NRXN1: variants seen among roughly 807,000 people sequenced by gnomAD.
NRXN1 encodes neurexin 1.
Under a neutral mutation model 150.9 loss-of-function variants are expected in NRXN1, and 39 were observed. That is an observed-to-expected ratio of 0.26 (90% CI 0.20 to 0.34). The LOEUF (loss-of-function observed/expected upper bound fraction) is 0.34. Ranked by LOEUF, NRXN1 falls within the 10% of genes least tolerant of loss-of-function variation. The pLI is 1.00. For missense variants in NRXN1, 1,815 were observed against 1,949.9 expected, an observed-to-expected ratio of 0.93 and a Z score of 1.30; for synonymous variants, 924 against 757.0, an observed-to-expected ratio of 1.22 and a Z score of -3.62.
At chr2:50,655,646 T>G (rs1686330980) in intron 5 of NRXN1, among the ~76,000 whole-genome samples, 1 of 151,274 alleles carries the variant, frequency 6.6e-6, no homozygotes, top group African/African-American at 2.4e-5. Context: ...ATTTTTTGTG[T>G]TGTTGTTTTT....
At position 51,028,242 on chromosome 2, in the gene NRXN1, C is replaced by T. The variant is rs796052766; in HGVS notation, c.32G>A (p.Cys11Tyr). Residue 11 changes from cysteine (C) to tyrosine (Y), a missense_variant, in exon 2 of 23, where the codon TGT (cysteine) becomes TAT (tyrosine). By Grantham distance (194) the Cys-to-Tyr change is radical. Coordinates refer to ENST00000401669, the MANE Select transcript of NRXN1 (RefSeq NM_001330078.2). MGTALLQRGG[C>Y]FLLCLSLLLL... ...CAGCAGCGAGAGGCACAGAAGAAAACAGCCCCCGCGCTGGAGCAGCGCCGT... is the reference window on the plus strand; with the variant it reads ...CAGCAGCGAGAGGCACAGAAGAAAATAGCCCCCGCGCTGGAGCAGCGCCGT... 2 of 1,467,074 alleles carry T rather than the reference C, an allele frequency of 1.4e-6. No homozygotes were observed. The highest frequency in any genetic ancestry group is 1.4e-5 in the African/African-American group (1 of 70,766). 90.9% of individuals were successfully genotyped at this position (1,467,074 alleles called of 1,614,324 possible).
chr2:50,916,740 A>G (rs2104197487), intron 5 of NRXN1: 1 of 151,762 alleles, frequency 6.6e-6, no homozygotes, highest in South Asian at 2.1e-4. Context: ...TGTTTAGATG[A>G]TCAGTTTTTC....
chr2:50,201,388 T>C (rs1462647939), intron 18 of NRXN1, among the ~76,000 whole-genome samples: 1 of 152,122 alleles, frequency 6.6e-6, no homozygotes, highest in African/African-American at 2.4e-5. Flanking sequence ...GACAATAGTA[T>C]GGTTAGGATC....
At chr2:50,617,513 T>C (rs1338790156) in intron 8 of NRXN1, among the ~76,000 whole-genome samples, 1 of 151,518 alleles carries the variant, frequency 6.6e-6, no homozygotes, top group East Asian at 1.9e-4. Context: ...CAAACTCCAG[T>C]GCATCAGAAG....
intron 18 of NRXN1, among the ~76,000 whole-genome samples, chr2:50,155,006 T>C (rs1408646756): frequency 1.3e-5 from 2 of 151,616 alleles, no homozygotes; most frequent in African/African-American, 4.8e-5. Context: ...CAAAATTGTA[T>C]CTATAGTGGA....
intron 21 of NRXN1, among the ~76,000 whole-genome samples, chr2:50,016,712 G>A (rs2152553561): frequency 6.6e-6 from 1 of 152,162 alleles, no homozygotes; most frequent in Non-Finnish European, 1.5e-5. Flanking sequence ...ACCTCCACCT[G>A]GTCCCACTCT....
intron 5 of NRXN1, among the ~76,000 whole-genome samples, chr2:50,708,124 A>T (rs1362482721): frequency 1.3e-5 from 2 of 152,190 alleles, no homozygotes; most frequent in African/African-American, 2.4e-5. Context: ...AAGCTGGCCA[A>T]CACTCAAGAT....
chr2:49,945,112 C>A (rs1284981337), intron 21 of NRXN1: 1 of 152,082 alleles, frequency 6.6e-6, no homozygotes. Flanking sequence ...TAAACACAAA[C>A]CTTTAAATAG....
chr2:50,921,819 C>T (rs2104279852), intron 5 of NRXN1, 50 bp downstream of exon 5: 1 of 934,784 alleles, frequency 1.1e-6, no homozygotes. Context: ...AACTCAGACA[C>T]ACTGTAATTC....
At chr2:50,676,489 T>G (rs1689561148) in intron 5 of NRXN1, among the ~76,000 whole-genome samples, 1 of 152,142 alleles carries the variant, frequency 6.6e-6, no homozygotes, top group Non-Finnish European at 1.5e-5. Context: ...CTATGTGAAA[T>G]TGGGATGACT....
intron 18 of NRXN1, among the ~76,000 whole-genome samples, chr2:50,162,938 A>G (rs1023903693): frequency 6.6e-6 from 1 of 151,874 alleles, no homozygotes; most frequent in African/African-American, 2.4e-5. Context: ...ACAACTTACT[A>G]TAACTGCTTT....
chr2:50,097,632 A>C (rs1235500241), intron 18 of NRXN1, among the ~76,000 whole-genome samples: 1 of 151,864 alleles, frequency 6.6e-6, no homozygotes, highest in Non-Finnish European at 1.5e-5. Context: ...TTGCTAATTT[A>C]GCCCAAACAC....
At chr2:50,751,871 G>A (rs1054061477) in intron 5 of NRXN1, among the ~76,000 whole-genome samples, 4 of 151,878 alleles carry the variant, frequency 2.6e-5, no homozygotes, top group African/African-American at 9.7e-5. Context: ...AAGGGCCCAG[G>A]TCTCCTATTC....
chr2:50,913,922 T>C (rs1684868351), intron 5 of NRXN1, among the ~76,000 whole-genome samples: 1 of 151,784 alleles, frequency 6.6e-6, no homozygotes, highest in African/African-American at 2.4e-5. Context: ...AGCTGTGCCT[T>C]TACACCACAT....
chr2:50,121,298 G>C (rs1361298331), intron 18 of NRXN1, among the ~76,000 whole-genome samples: 1 of 152,210 alleles, frequency 6.6e-6, no homozygotes, highest in African/African-American at 2.4e-5. Context: ...TGGGATTATA[G>C]GCATGAGCCA....
intron 21 of NRXN1, among the ~76,000 whole-genome samples, chr2:50,001,827 C>T (rs1443672536): frequency 1.3e-5 from 2 of 151,938 alleles, no homozygotes; most frequent in Non-Finnish European, 2.9e-5. Flanking sequence ...TCCCTTTAAG[C>T]GTGGACATGA....
At chr2:50,701,217 A>G (rs1409632266) in intron 5 of NRXN1, among the ~76,000 whole-genome samples, 2 of 152,254 alleles carry the variant, frequency 1.3e-5, no homozygotes, top group African/African-American at 4.8e-5. Context: ...ATACAGAGAA[A>G]AGTTTCAATC....
intron 17 of NRXN1, among the ~76,000 whole-genome samples, chr2:50,255,510 A>T (rs1175486824): frequency 6.6e-6 from 1 of 152,168 alleles, no homozygotes; most frequent in African/African-American, 2.4e-5. Flanking sequence ...TAAAATTACA[A>T]GGTGGTTCCA....
chr2:50,062,510 A>G (rs1694700993), intron 19 of NRXN1, among the ~76,000 whole-genome samples: 2 of 152,160 alleles, frequency 1.3e-5, no homozygotes, highest in Admixed American at 1.3e-4. Context: ...GGACAAAAAT[A>G]CCATGTAACA....
Sources: gnomAD v4.1 joint callset for allele counts (sites outside exome capture counted in the v4.1 genomes callset) on GRCh38, gnomAD v4.1.1 for gene constraint, MANE v1.5 for transcripts, NCBI Gene and HGNC (gene_info 2026-07-23, HGNC 2026-07-21) for gene names.